Variants in BAIAP2 observed in about 807,000 individuals in gnomAD.
BAIAP2 encodes BAR/IMD domain containing adaptor protein 2.
In BAIAP2, 18 loss-of-function variants were observed where a neutral mutation model predicts 63.0. The ratio of observed to expected loss-of-function variants is 0.29; its 90% CI spans 0.20 to 0.42. The LOEUF is 0.42. Among genes scored for constraint, BAIAP2 ranks in the 10% least tolerant of loss-of-function variants. BAIAP2 has a pLI of 1.00. For synonymous variants in BAIAP2, 386 were observed against 307.6 expected (o/e 1.25, Z -2.67); for missense variants, 610 against 734.3 (o/e 0.83, Z 1.96).
chr17:81,090,815 C>CGCT (rs1024837429), intron 6 of BAIAP2, among the ~76,000 whole-genome samples: 1 of 127,910 alleles, frequency 7.8e-6, no homozygotes, highest in Non-Finnish European at 1.8e-5. Context: ...CTGCCGGCCT[C>CGCT]GCTGCTCCAG....
Position 81,061,811 on chromosome 17 carries a change from CCT to C in BAIAP2, c.217+3845_217+3846del, listed in dbSNP as rs1283125738. The stretch of plus-strand genomic sequence containing the variant: ...GTGAAGTGTGTGTTCGAATCTTCCC[CCT>C]TTGTTTCACTTGGCTTTTGTCTTCT... On this transcript the variant is annotated intron_variant, in intron 3 of 13. Coordinates refer to ENST00000428708, the MANE Select transcript of BAIAP2 (RefSeq NM_001144888.2). Among the ~76,000 whole-genome samples the C allele has an allele frequency of 1.4e-4, 22 of 152,164 alleles. No homozygotes were observed. The East Asian group carries it at 4.2e-3, about 29-fold the overall frequency.
intron 3 of BAIAP2, among the ~76,000 whole-genome samples, chr17:81,069,334 A>G (rs1176506454): frequency 6.6e-6 from 1 of 152,236 alleles, no homozygotes; most frequent in Non-Finnish European, 1.5e-5. Context: ...GCACGCGGGC[A>G]CAGATAGTCC....
chr17:81,052,675 C>CT (rs1307610448), intron 1 of BAIAP2, among the ~76,000 whole-genome samples: 2 of 152,120 alleles, frequency 1.3e-5, no homozygotes, highest in African/African-American at 2.4e-5. Flanking sequence ...CCTAAATGCC[C>CT]TTTCTATCTG....
chr17:81,052,449 C>G (rs2048822347), intron 1 of BAIAP2, among the ~76,000 whole-genome samples: 2 of 152,254 alleles, frequency 1.3e-5, no homozygotes, highest in African/African-American at 4.8e-5. Flanking sequence ...AGCACCTGCC[C>G]TGGAACTTGG....
intron 2 of BAIAP2, among the ~76,000 whole-genome samples, chr17:81,054,739 C>T (rs1000170276): frequency 3.9e-5 from 6 of 152,144 alleles, no homozygotes; most frequent in Non-Finnish European, 5.9e-5. Flanking sequence ...TTCCATTCTT[C>T]CCACTGTCTC....
chr17:81,057,870 TTC>T lies in BAIAP2; in HGVS notation c.131-4_131-3del, dbSNP rs1175871013. Reference sequence around the variant, plus strand: ...TGGAGGAAATAACTGCTCCCTTTTCTTCTCTCTCAGGTGTGACGTATGCAGCC... The same window carrying T: ...TGGAGGAAATAACTGCTCCCTTTTCTTCTCTCAGGTGTGACGTATGCAGCC... On this transcript the variant is annotated splice_polypyrimidine_tract_variant and intron_variant, in intron 2 of 13. Transcript: ENST00000428708. The T allele has an allele frequency of 6.2e-6, 10 of 1,607,366 alleles. No homozygotes were observed. Among genetic ancestry groups the T allele is most frequent in the African/African-American group, 5.4e-5 (4 of 74,710 alleles).
intron 13 of BAIAP2, chr17:81,110,349 G>T (rs2059771317): frequency 1.0e-6 from 1 of 986,488 alleles, no homozygotes; most frequent in South Asian, 4.7e-5. Context: ...AAATCCAGGG[G>T]ATTCCATGCT....
At position 81,055,574 on chromosome 17, in the gene BAIAP2, G is replaced by GTTTTTTGTTTTTTTTTTTTTTT. The variant is rs370775327; in HGVS notation, c.130+1837_130+1838insGTTTTTTTTTTTTTTTTTTTTT. ...CCAGCGAAAGTCTGCAGGGTGTTTTGTTTTTTTTTGAGACGGAGTCTCACT... is the reference window on the plus strand; with the variant it reads ...CCAGCGAAAGTCTGCAGGGTGTTTTGTTTTTTGTTTTTTTTTTTTTTTTTTTTTTTTGAGACGGAGTCTCACT... On this transcript the variant is annotated intron_variant, in intron 2 of 13. Coordinates refer to ENST00000428708, the MANE Select transcript of BAIAP2 (RefSeq NM_001144888.2). 1.9e-4 allele frequency among the ~76,000 whole-genome samples: 23 copies of GTTTTTTGTTTTTTTTTTTTTTT among 123,404 alleles called. 1 individual carries two copies. The highest frequency in any genetic ancestry group is 4.3e-4 in the African/African-American group (15 of 34,788). 81.0% of individuals were successfully genotyped at this position (123,404 alleles called of 152,430 possible).
rs572870303 is a variant in BAIAP2, at chr17:81,109,012, G to A, written c.1535+503G>A. 49 of 1,544,924 alleles carry A rather than the reference G, an allele frequency of 3.2e-5. 1 individual carries two copies. The highest frequency in any genetic ancestry group is 3.4e-4 in the Middle Eastern group (2 of 5,944). On this transcript the variant is annotated intron_variant, in intron 13 of 13. Coordinates refer to ENST00000428708, the MANE Select transcript of BAIAP2 (RefSeq NM_001144888.2). The stretch of plus-strand genomic sequence containing the variant: ...TCCACAGTGTGAGGACGCTGACCCC[G>A]GGCAGCCGCTGCTCTGAAGAGCTTC...
chr17:81,100,177 G>A, intron 7 of BAIAP2, 97 bp downstream of exon 7: 2 of 1,434,912 alleles, frequency 1.4e-6, no homozygotes, highest in Non-Finnish European at 1.8e-6. Context: ...AACACACCGG[G>A]GCAGTGTCCA....
chr17:81,110,399 G>A (rs1172359975), intron 13 of BAIAP2: 8 of 988,128 alleles, frequency 8.1e-6, no homozygotes, highest in Non-Finnish European at 9.6e-6. Flanking sequence ...ACACTTGTAT[G>A]AAGATGTAAA....
intron 3 of BAIAP2, among the ~76,000 whole-genome samples, chr17:81,066,777 G>A (rs1434419088): frequency 3.3e-5 from 5 of 152,186 alleles, no homozygotes; most frequent in South Asian, 4.1e-4. Flanking sequence ...GCTGTGTCAC[G>A]GCCCCTCTGG....
chr17:81,062,950 A>G (rs1480123308), intron 3 of BAIAP2, among the ~76,000 whole-genome samples: 1 of 114,154 alleles, frequency 8.8e-6, no homozygotes, highest in African/African-American at 3.4e-5. Flanking sequence ...AGCTCTGGAG[A>G]TGTTTGTGCT....
chr17:81,088,675 G>A (rs1270863871), intron 6 of BAIAP2, among the ~76,000 whole-genome samples: 1 of 152,166 alleles, frequency 6.6e-6, no homozygotes, highest in Non-Finnish European at 1.5e-5. Flanking sequence ...CGTAGCCTGC[G>A]CCAGCCTCCT....
At chr17:81,080,773 TTGGGAGGCTGAGG>T (rs1486238530) in intron 3 of BAIAP2, among the ~76,000 whole-genome samples, 1 of 152,092 alleles carries the variant, frequency 6.6e-6, no homozygotes, top group Non-Finnish European at 1.5e-5. Context: ...TCCCAGCTAC[TTGGGAGGCTGAGG>T]TGGGAGGATC....
At chr17:81,042,402 C>T (rs1011793728) in intron 1 of BAIAP2, among the ~76,000 whole-genome samples, 2 of 152,042 alleles carry the variant, frequency 1.3e-5, no homozygotes, top group African/African-American at 4.8e-5. Flanking sequence ...GCAGTCCTCC[C>T]ACCTTGGCCT....
At chr17:81,079,449 G>A (rs767539747) in intron 3 of BAIAP2, among the ~76,000 whole-genome samples, 3 of 152,076 alleles carry the variant, frequency 2.0e-5, no homozygotes, top group African/African-American at 4.8e-5. Flanking sequence ...GAGAGGCCTC[G>A]TTTTCAGGAT....
chr17:81,111,602 C>T (rs1388790359), intron 13 of BAIAP2, among the ~76,000 whole-genome samples: 1 of 152,264 alleles, frequency 6.6e-6, no homozygotes, highest in Non-Finnish European at 1.5e-5. Context: ...AGCTGACGCT[C>T]ACTCCGGGGA....
At chr17:81,050,711 A>G (rs922679109) in intron 1 of BAIAP2, among the ~76,000 whole-genome samples, 11 of 81,694 alleles carry the variant, frequency 1.3e-4, no homozygotes, top group Non-Finnish European at 1.9e-4. Flanking sequence ...GCAGCTCAGC[A>G]CACACACGCA....
Sources: gnomAD v4.1 joint callset for allele counts (sites outside exome capture counted in the v4.1 genomes callset) on GRCh38, gnomAD v4.1.1 for gene constraint, MANE v1.5 for transcripts, NCBI Gene and HGNC (gene_info 2026-07-23, HGNC 2026-07-21) for gene names.